COL26A1: variants seen among roughly 807,000 people sequenced by gnomAD.
COL26A1 encodes the protein collagen type XXVI alpha 1 chain.
In COL26A1, 41 loss-of-function variants were observed where a neutral mutation model predicts 59.3. The observed-to-expected ratio is 0.69, with a 90% CI of 0.54 to 0.90. The LOEUF (loss-of-function observed/expected upper bound fraction) is 0.90. Among genes scored for constraint, COL26A1 ranks in the 40% least tolerant of loss-of-function variants. COL26A1 has a pLI of 0.00. For missense variants in COL26A1, 612 were observed against 602.3 expected (o/e 1.02, Z -0.17); for synonymous variants, 266 against 256.0 (o/e 1.04, Z -0.37).
At chr7:101,400,803 C>G (rs1420664680) in intron 1 of COL26A1, among the ~76,000 whole-genome samples, 1 of 152,158 alleles carries the variant, frequency 6.6e-6, no homozygotes, top group African/African-American at 2.4e-5. Context: ...AGGTGATCCA[C>G]CCACCTTGGC....
At chr7:101,393,609 G>T (rs1274941809) in intron 1 of COL26A1, among the ~76,000 whole-genome samples, 2 of 152,128 alleles carry the variant, frequency 1.3e-5, no homozygotes, top group Non-Finnish European at 2.9e-5. Flanking sequence ...ATCCAATCAA[G>T]TTGACACTCA....
At chr7:101,389,633 G>T (rs1791675302) in intron 1 of COL26A1, among the ~76,000 whole-genome samples, 1 of 151,966 alleles carries the variant, frequency 6.6e-6, no homozygotes, top group African/African-American at 2.4e-5. Flanking sequence ...TTGGCTCACG[G>T]CAACCTCTGC....
At chr7:101,465,254 G>A (rs1440349538) in intron 3 of COL26A1, among the ~76,000 whole-genome samples, 1 of 151,812 alleles carries the variant, frequency 6.6e-6, no homozygotes, top group Non-Finnish European at 1.5e-5. Flanking sequence ...TGCTGAGGCT[G>A]CTCTCCAACT....
chr7:101,407,365 GTTC>G (rs1428208949), intron 1 of COL26A1, among the ~76,000 whole-genome samples: 1 of 152,064 alleles, frequency 6.6e-6, no homozygotes, highest in Non-Finnish European at 1.5e-5. Flanking sequence ...GCCCTCACCT[GTTC>G]TTCTAGAGAG....
Position 101,459,382 on chromosome 7 carries a change from C to G in COL26A1, c.385+11595C>G, listed in dbSNP as rs1356606268. Among the ~76,000 whole-genome samples, 3 of 152,118 alleles carry G rather than the reference C, an allele frequency of 2.0e-5. No individual in the cohort carries two copies. In the East Asian group the frequency reaches 5.8e-4, roughly 29 times the overall value. Reference sequence around the variant, plus strand: ...GGCACGATCTCGTGCTCACTACAACCTCTGCCTCCTGGGCTGAAGCGATTC... The same window carrying G: ...GGCACGATCTCGTGCTCACTACAACGTCTGCCTCCTGGGCTGAAGCGATTC... On this transcript the variant is annotated intron_variant, in intron 3 of 12. Transcript: ENST00000313669.
chr7:101,418,711 C>T (rs1792436154), intron 1 of COL26A1, among the ~76,000 whole-genome samples: 1 of 151,910 alleles, frequency 6.6e-6, no homozygotes, highest in Non-Finnish European at 1.5e-5. Context: ...AGTGATCCAT[C>T]CTCCTCGGAC....
intron 1 of COL26A1, among the ~76,000 whole-genome samples, chr7:101,381,493 G>T (rs1030125378): frequency 6.6e-6 from 1 of 152,162 alleles, no homozygotes; most frequent in Non-Finnish European, 1.5e-5. Flanking sequence ...AATTTATAAT[G>T]TATGAAAATT....
Position 101,539,880 on chromosome 7 carries a change from TC to T in COL26A1, c.448-11del, listed in dbSNP as rs767598146. The T allele has an allele frequency of 2.7e-3, 4,257 of 1,606,062 alleles. 13 individuals are homozygous for T. Among genetic ancestry groups the T allele is most frequent in the Non-Finnish European group, 3.2e-3 (3,814 of 1,176,814 alleles). On this transcript the variant is annotated splice_polypyrimidine_tract_variant and intron_variant, in intron 4 of 12. Transcript: ENST00000313669. ...CCCAACTGGGACCTGACTCTCTATC[TC>T]CTTTGGCCCAGGTCCTCCTGCTAGA... is the stretch of plus-strand genomic sequence containing the variant.
rs368433793 is a variant in COL26A1, at chr7:101,488,349, A to AATAT, written c.385+40588_385+40591dup. Among the ~76,000 whole-genome samples the AATAT allele has an allele frequency of 8.3e-3, 867 of 104,904 alleles. 10 individuals carry two copies. Among genetic ancestry groups the AATAT allele is most frequent in the Admixed American group, 0.039 (417 of 10,644 alleles). The allele number at this position is 104,904 out of a possible 152,430, so 68.8% of individuals were successfully genotyped here. A position where few individuals can be genotyped will look rare whatever the true frequency, so the allele number is the denominator to read the frequency against. Reference sequence around the variant, plus strand: ...TTTTAATCCGTTTTTAATTTTATTTAATATATATATATATATATATATATA... The same window carrying AATAT: ...TTTTAATCCGTTTTTAATTTTATTTAATATATATATATATATATATATATATATA... On this transcript the variant is annotated intron_variant, in intron 3 of 12. Coordinates refer to ENST00000313669, the MANE Select transcript of COL26A1 (RefSeq NM_001278563.3).
intron 10 of COL26A1, among the ~76,000 whole-genome samples, chr7:101,551,803 C>A (rs1303136260): frequency 6.6e-6 from 1 of 151,424 alleles, no homozygotes; most frequent in Admixed American, 6.6e-5. Flanking sequence ...AGGAGTCAGG[C>A]GCTTCCTTGA....
intron 3 of COL26A1, among the ~76,000 whole-genome samples, chr7:101,486,661 C>T (rs535988454): frequency 3.9e-5 from 6 of 152,238 alleles, no homozygotes; most frequent in East Asian, 1.9e-4. Context: ...ATCCACATCC[C>T]GGTGGAACGG....
rs1563007184 is a variant in COL26A1, at chr7:101,489,644, T to C, written c.385+41857T>C. On this transcript the variant is annotated intron_variant, in intron 3 of 12. Transcript: ENST00000313669. The stretch of plus-strand genomic sequence containing the variant: ...TTCTTTCTTTCTTTCTTTCTTTCTT[T>C]CTTTCTTTCTTTCTTTCTTCCTTCC... Among the ~76,000 whole-genome samples, 9 of 73,044 alleles carry C rather than the reference T, an allele frequency of 1.2e-4. 1 individual carries two copies. The highest frequency in any genetic ancestry group is 4.3e-4 in the South Asian group (1 of 2,302). The allele number at this position is 73,044 out of a possible 152,430, so 47.9% of individuals were successfully genotyped here. A position where few individuals can be genotyped will look rare whatever the true frequency, so the allele number is the denominator to read the frequency against.
rs981254655 is a variant in COL26A1, at chr7:101,395,819, C to T, written c.159-24158C>T. Among the ~76,000 whole-genome samples, 4 of 152,180 alleles carry T rather than the reference C, an allele frequency of 2.6e-5. No homozygotes were observed. The South Asian group carries it at 6.2e-4, about 24-fold the overall frequency. On this transcript the variant is annotated intron_variant, in intron 1 of 12. Coordinates refer to ENST00000313669, the MANE Select transcript of COL26A1 (RefSeq NM_001278563.3). ...ACAAAGCAGGCCAAGGAATTGCCTGCGACCCGCTGAGGGCAGCTCAGGTAT... is the reference window on the plus strand; with the variant it reads ...ACAAAGCAGGCCAAGGAATTGCCTGTGACCCGCTGAGGGCAGCTCAGGTAT...
At position 101,557,398 on chromosome 7, in the gene COL26A1, T is replaced by C. The variant is rs962192323; in HGVS notation, c.1194T>C (p.Ser398=). 1 of 1,613,772 alleles carries C rather than the reference T, an allele frequency of 6.2e-7. No homozygotes were observed. Among genetic ancestry groups the C allele is most frequent in the Non-Finnish European group, 8.5e-7 (1 of 1,179,748 alleles). The part of the protein sequence containing the change: ...HDPLASPEGG[S]GQDAALRANL... The stretch of plus-strand genomic sequence containing the variant: ...CCCTGGCCTCCCCAGAGGGAGGTTC[T>C]GGCCAGGATGCTGCCCTGAGAGCCA... Residue 398 remains serine, a synonymous_variant, in exon 13 of 13, where the codon TCT becomes TCC. Transcript: ENST00000313669.
intron 1 of COL26A1, among the ~76,000 whole-genome samples, chr7:101,385,688 A>T (rs190085487): frequency 0.014 from 1,975 of 144,076 alleles, 37 homozygotes; most frequent in African/African-American, 0.048. Flanking sequence ...ATTGAAAAAA[A>T]TTTTTTTTAA....
intron 1 of COL26A1, among the ~76,000 whole-genome samples, chr7:101,387,754 TTA>T (rs1253686672): frequency 1.2e-4 from 11 of 95,080 alleles, no homozygotes; most frequent in African/African-American, 4.0e-4. Flanking sequence ...ATATATATAT[TTA>T]TATATATATA....
At chr7:101,548,015 C>T (rs949828688) in intron 8 of COL26A1, among the ~76,000 whole-genome samples, 1 of 152,192 alleles carries the variant, frequency 6.6e-6, no homozygotes, top group Non-Finnish European at 1.5e-5. Flanking sequence ...TCGACAGGAT[C>T]TGAGGGAGCT....
At chr7:101,497,994 G>A (rs1794625253) in intron 3 of COL26A1, among the ~76,000 whole-genome samples, 1 of 152,140 alleles carries the variant, frequency 6.6e-6, no homozygotes, top group Non-Finnish European at 1.5e-5. Context: ...CATGAGTGTT[G>A]CAATGAGCCA....
rs535825739 is a variant in COL26A1 at position 101,395,164 on chromosome 7, C to T, written c.159-24813C>T. ...CTGGGATTGCGGGCATGAGCCACCG[C>T]GCCCAGCCCCATAAAGCAGTTTCTA... is the stretch of plus-strand genomic sequence containing the variant. On this transcript the variant is annotated intron_variant, in intron 1 of 12. Coordinates refer to ENST00000313669, the MANE Select transcript of COL26A1 (RefSeq NM_001278563.3). Among the ~76,000 whole-genome samples the T allele has an allele frequency of 6.6e-5, 10 of 152,168 alleles. No homozygotes were observed. In the East Asian group the frequency reaches 1.5e-3, roughly 24 times the overall value.
Sources: allele counts gnomAD v4.1 joint callset (sites outside exome capture counted in the v4.1 genomes callset), GRCh38; gene constraint gnomAD v4.1.1; transcripts MANE v1.5; gene names NCBI Gene and HGNC (gene_info 2026-07-23, HGNC 2026-07-21).